The following DIP2B variants were observed in gnomAD, a reference collection of about 807,000 sequenced individuals.
DIP2B encodes disco-interacting protein 2 homolog B.
DIP2B carries 76 observed loss-of-function variants against 198.0 expected under a neutral mutation model. The ratio of observed to expected loss-of-function variants is 0.38; its 90% confidence interval spans 0.32 to 0.46. The LOEUF is 0.46. Ranked by LOEUF, DIP2B falls within the 20% of genes least tolerant of loss-of-function variation. DIP2B has a pLI of 0.99. For synonymous variants in DIP2B, 701 were observed against 739.1 expected, an observed-to-expected ratio of 0.95 and a Z score of 0.84; for missense variants, 1,559 against 1,978.4, an observed-to-expected ratio of 0.79 and a Z score of 4.02.
chr12:50,690,979 G>C, intron 12 of DIP2B, 70 bp from the exon 13 acceptor site: 1 of 1,356,564 alleles, frequency 7.4e-7, no homozygotes. Context: ...TTTTGTTTTT[G>C]GATTCTAGTT....
intron 1 of DIP2B, among the ~76,000 whole-genome samples, chr12:50,603,761 T>C (rs1462162128): frequency 6.6e-6 from 1 of 152,180 alleles, no homozygotes; most frequent in African/African-American, 2.4e-5. Flanking sequence ...TGATATTTAG[T>C]GCAGAGAAGA....
At chr12:50,590,510 C>T (rs1256584363) in intron 1 of DIP2B, among the ~76,000 whole-genome samples, 1 of 152,096 alleles carries the variant, frequency 6.6e-6, no homozygotes, top group African/African-American at 2.4e-5. Context: ...GCTGGGATTA[C>T]AGGCACGCAC....
At chr12:50,728,416 C>A in intron 29 of DIP2B, 132 bp from the exon 30 acceptor site, 1 of 1,079,802 alleles carries the variant, frequency 9.3e-7, no homozygotes, top group Non-Finnish European at 1.3e-6. Flanking sequence ...TTAGATTAGG[C>A]TTTGAAGCAC....
intron 2 of DIP2B, among the ~76,000 whole-genome samples, chr12:50,640,083 CGTTAA>C (rs1565854730): frequency 1.3e-5 from 2 of 151,974 alleles, no homozygotes; most frequent in African/African-American, 4.8e-5. Context: ...ACGTACATCT[CGTTAA>C]GTTTTTTTAT....
intron 2 of DIP2B, among the ~76,000 whole-genome samples, chr12:50,631,233 A>ATT (rs71753895): frequency 3.7e-4 from 53 of 144,650 alleles, no homozygotes; most frequent in African/African-American, 6.9e-4. Flanking sequence ...GGTTCAAGCG[A>ATT]TTTTTTTTTT....
At chr12:50,510,300 CT>C (rs1958002884) in intron 1 of DIP2B, among the ~76,000 whole-genome samples, 1 of 152,180 alleles carries the variant, frequency 6.6e-6, no homozygotes, top group African/African-American at 2.4e-5. Context: ...AAAAGAGTAG[CT>C]TTTATGGATA....
At chr12:50,546,473 G>A (rs1000647598) in intron 1 of DIP2B, among the ~76,000 whole-genome samples, 1 of 152,202 alleles carries the variant, frequency 6.6e-6, no homozygotes, top group Non-Finnish European at 1.5e-5. Flanking sequence ...TGTTGCAGGG[G>A]TGACATATGT....
chr12:50,675,117 T>A (rs1938923575), intron 6 of DIP2B, among the ~76,000 whole-genome samples: 2 of 152,156 alleles, frequency 1.3e-5, no homozygotes, highest in Non-Finnish European at 2.9e-5. Context: ...AAAGGAAGAT[T>A]AGGTGAAATC....
intron 1 of DIP2B, among the ~76,000 whole-genome samples, chr12:50,599,784 C>G (rs1958919801): frequency 1.3e-5 from 2 of 152,178 alleles, no homozygotes; most frequent in South Asian, 4.1e-4. Context: ...AACTTGGAGT[C>G]ACTGTTATTT....
chr12:50,675,779 A>C (rs1476943181), intron 7 of DIP2B, among the ~76,000 whole-genome samples: 1 of 152,222 alleles, frequency 6.6e-6, no homozygotes, highest in Middle Eastern at 3.2e-3. Context: ...GGATGTGGAT[A>C]TCAAATTCAG....
intron 31 of DIP2B, 105 bp downstream of exon 31, chr12:50,731,642 T>TGAAAAAA: frequency 7.4e-7 from 1 of 1,351,390 alleles, no homozygotes; most frequent in Non-Finnish European, 9.9e-7. Flanking sequence ...TTGCTTGCCT[T>TGAAAAAA]TTTCAAGTCA....
chr12:50,674,932 C>T (rs757188078), intron 6 of DIP2B, among the ~76,000 whole-genome samples: 5 of 152,014 alleles, frequency 3.3e-5, no homozygotes, highest in East Asian at 1.9e-4. Flanking sequence ...TGGGAGGCCG[C>T]GGTGGGCAGA....
At chr12:50,618,475 G>A (rs768671319) in intron 1 of DIP2B, among the ~76,000 whole-genome samples, 6 of 152,180 alleles carry the variant, frequency 3.9e-5, no homozygotes, top group Non-Finnish European at 7.3e-5. Context: ...CACCCTCAGT[G>A]TCTCTCTCTC....
chr12:50,640,921 G>A (rs1938245673), intron 3 of DIP2B, 69 bp downstream of exon 3: 2 of 1,532,810 alleles, frequency 1.3e-6, no homozygotes, highest in African/African-American at 2.8e-5. Context: ...TGTATCCTGA[G>A]AGCTTCTAAT....
At chr12:50,610,511 T>TC (rs1426862344) in intron 1 of DIP2B, among the ~76,000 whole-genome samples, 1 of 12,222 alleles carries the variant, frequency 8.2e-5, no homozygotes, top group African/African-American at 8.0e-4. Flanking sequence ...TGTAAATATC[T>TC]TTTTTTTTTT....
chr12:50,684,834 G>A (rs1359677989), intron 10 of DIP2B, among the ~76,000 whole-genome samples: 1 of 152,048 alleles, frequency 6.6e-6, no homozygotes, highest in African/African-American at 2.4e-5. Flanking sequence ...GCTTATGCCT[G>A]TAATCCTAGC....
chr12:50,512,691 T>C lies in DIP2B; in HGVS notation c.100+7451T>C, dbSNP rs963758665. On this transcript the variant is annotated intron_variant, in intron 1 of 37. Coordinates refer to ENST00000301180, the MANE Select transcript of DIP2B (RefSeq NM_173602.3). ...TGGACAAACTGTCTAACCTCCCAGG[T>C]ATGAGTTTCATCAACATTTAAAAAG... Among the ~76,000 whole-genome samples, 5 of 152,276 alleles carry C rather than the reference T, an allele frequency of 3.3e-5. No homozygotes were observed. The South Asian group carries it at 1.0e-3, about 32-fold the overall frequency.
chr12:50,635,571 G>A (rs755631964), intron 2 of DIP2B, among the ~76,000 whole-genome samples: 42 of 152,200 alleles, frequency 2.8e-4, no homozygotes, highest in African/African-American at 7.0e-4. Context: ...CAGCTGCTTC[G>A]TGCTCCTTTC....
At chr12:50,540,701 A>G (rs1221897098) in intron 1 of DIP2B, among the ~76,000 whole-genome samples, 1 of 151,648 alleles carries the variant, frequency 6.6e-6, no homozygotes, top group African/African-American at 2.4e-5. Flanking sequence ...GGTGCCCGCC[A>G]CGGCGCCCGG....
Sources: allele counts gnomAD v4.1 joint callset (sites outside exome capture counted in the v4.1 genomes callset), GRCh38; gene constraint gnomAD v4.1.1; transcripts MANE v1.5; gene names NCBI Gene and HGNC (gene_info 2026-07-23, HGNC 2026-07-21).